The following ADAM32 variants were observed in gnomAD, a reference collection of about 807,000 sequenced individuals.
The protein encoded by ADAM32 is ADAM metallopeptidase domain 32, also known as disintegrin and metalloproteinase domain-containing protein 32.
A neutral mutation model predicts 114.9 loss-of-function variants in ADAM32; 89 were observed. The ratio of observed to expected loss-of-function variants is 0.77; its 90% CI spans 0.65 to 0.92. The LOEUF is 0.92. ADAM32 is among the 40% of genes least tolerant of loss of function. ADAM32 has a pLI of 0.00. For missense variants in ADAM32, 870 were observed against 932.8 expected, an observed-to-expected ratio of 0.93 and a Z score of 0.88; for synonymous variants, 285 against 307.5, an observed-to-expected ratio of 0.93 and a Z score of 0.77.
At chr8:39,143,214 C>T (rs1050972786) in intron 3 of ADAM32, among the ~76,000 whole-genome samples, 2 of 152,168 alleles carry the variant, frequency 1.3e-5, no homozygotes, top group African/African-American at 2.4e-5. Flanking sequence ...TCTGTCAACT[C>T]GTCAAACTCA....
At position 39,136,672 on chromosome 8, in the gene ADAM32, A is replaced by G. The variant is rs761749640; in HGVS notation, c.154A>G (p.Ile52Val). 6 of 1,542,866 alleles carry G rather than the reference A, an allele frequency of 3.9e-6. No homozygotes were observed. The Admixed American group carries it at 1.1e-4, about 27-fold the overall frequency. The change falls in exon 3 of 25, where the codon ATT becomes GTT. Residue 52 changes from isoleucine (I) to valine (V), a missense_variant. Ile to Val is a conservative substitution (Grantham distance 29). Coordinates refer to ENST00000379907, the MANE Select transcript of ADAM32 (RefSeq NM_145004.7). ...AATTCTCTAGGAACAAATATCCTATATTATTCCAATAGATGAGAAACTGTA... is the reference window on the plus strand; with the variant it reads ...AATTCTCTAGGAACAAATATCCTATGTTATTCCAATAGATGAGAAACTGTA... ...SEIEYEQISY[I>V]IPIDEKLYTV...
At chr8:39,221,533 C>T in intron 12 of ADAM32, 77 bp from the exon 13 acceptor site, 2 of 1,101,274 alleles carry the variant, frequency 1.8e-6, no homozygotes, top group East Asian at 2.5e-5. Flanking sequence ...ACAGTAAGCC[C>T]ATCAAAATAT....
chr8:39,233,346 C>T (rs1473733723), intron 15 of ADAM32, among the ~76,000 whole-genome samples: 1 of 152,128 alleles, frequency 6.6e-6, no homozygotes, highest in African/African-American at 2.4e-5. Flanking sequence ...GGTTCTTCTC[C>T]TTTGTAGACC....
chr8:39,173,973 C>T (rs1481443206), intron 10 of ADAM32, among the ~76,000 whole-genome samples: 5 of 152,128 alleles, frequency 3.3e-5, no homozygotes, highest in Non-Finnish European at 1.5e-5. Context: ...TACAGACGTG[C>T]ACTGCCACAC....
intron 16 of ADAM32, among the ~76,000 whole-genome samples, chr8:39,234,576 C>T (rs1809976302): frequency 6.6e-6 from 1 of 152,122 alleles, no homozygotes; most frequent in South Asian, 2.1e-4. Flanking sequence ...ATAGCATTTA[C>T]TCTACAGGGT....
chr8:39,250,202 T>C (rs892568478), intron 17 of ADAM32, among the ~76,000 whole-genome samples: 1 of 152,080 alleles, frequency 6.6e-6, no homozygotes, highest in African/African-American at 2.4e-5. Flanking sequence ...GGTATCCTCA[T>C]TACATGTATG....
Position 39,275,843 on chromosome 8 carries a change from C to T in ADAM32, c.2256C>T (p.Ser752=), listed in dbSNP as rs1813039267. 6.4e-7 allele frequency: 1 copy of T among 1,561,140 alleles called. No homozygotes were observed. Among genetic ancestry groups the T allele is most frequent in the Non-Finnish European group, 8.7e-7 (1 of 1,151,902 alleles). The change falls in exon 22 of 25, where the codon AGC becomes AGT. Residue 752 remains serine, a synonymous_variant. Coordinates refer to ENST00000379907, the MANE Select transcript of ADAM32 (RefSeq NM_145004.7). ...TTTCTTTTAGAACCAGATCAGAAAGCAGCAGTCAAGCTGATACTAGCAAGT... is the reference window on the plus strand; with the variant it reads ...TTTCTTTTAGAACCAGATCAGAAAGTAGCAGTCAAGCTGATACTAGCAAGT... The part of the protein sequence containing the change: ...QTYASQTRSE[S]SSQADTSKSK...
chr8:39,119,599 C>G (rs1246629621), intron 2 of ADAM32, among the ~76,000 whole-genome samples: 1 of 151,992 alleles, frequency 6.6e-6, no homozygotes, highest in East Asian at 1.9e-4. Flanking sequence ...ATTATATATT[C>G]TGGACACAAC....
chr8:39,258,914 AT>A (rs1330813757), intron 19 of ADAM32, among the ~76,000 whole-genome samples: 4 of 152,182 alleles, frequency 2.6e-5, no homozygotes, highest in African/African-American at 9.6e-5. Flanking sequence ...TACTAATAAT[AT>A]CTTAAATACA....
intron 12 of ADAM32, among the ~76,000 whole-genome samples, chr8:39,216,997 A>T (rs567544172): frequency 1.3e-5 from 2 of 151,844 alleles, no homozygotes; most frequent in Non-Finnish European, 2.9e-5. Context: ...TTTCTTTCTG[A>T]TTAAATAATT....
intron 7 of ADAM32, among the ~76,000 whole-genome samples, chr8:39,163,609 G>A (rs189791131): frequency 2.9e-4 from 44 of 152,228 alleles, no homozygotes; most frequent in Non-Finnish European, 2.9e-4. Flanking sequence ...TGATTTATTC[G>A]TTTACTTAAC....
intron 10 of ADAM32, among the ~76,000 whole-genome samples, chr8:39,177,683 G>C (rs1220569723): frequency 6.6e-6 from 1 of 152,090 alleles, no homozygotes; most frequent in Non-Finnish European, 1.5e-5. Flanking sequence ...CTTCCTTCAG[G>C]AGCTCTTGTA....
chr8:39,140,713 A>C (rs754222642), intron 3 of ADAM32, among the ~76,000 whole-genome samples: 4 of 152,096 alleles, frequency 2.6e-5, no homozygotes, highest in Admixed American at 2.0e-4. Context: ...GATTGAAATA[A>C]TTTCAGAAGG....
chr8:39,115,408 C>T (rs1306211627), intron 1 of ADAM32, among the ~76,000 whole-genome samples: 1 of 152,196 alleles, frequency 6.6e-6, no homozygotes, highest in African/African-American at 2.4e-5. Flanking sequence ...CTTTCCTCTG[C>T]AACCTTGCCA....
rs77451482 is a variant in ADAM32 at position 39,266,591 on chromosome 8, C to T, written c.2163-4285C>T. Among the ~76,000 whole-genome samples the T allele has an allele frequency of 9.0e-4, 137 of 152,188 alleles. 3 individuals are homozygous for T. In the East Asian group the frequency reaches 0.023, roughly 25 times the overall value. On this transcript the variant is annotated intron_variant, in intron 19 of 24. Transcript: ENST00000379907. ...TTGCTGTGTTCCTTGGCTTGAGTTT[C>T]GACCTTCTGTATGTCGATGAGCTTC...
chr8:39,212,855 C>T (rs1308415716), intron 12 of ADAM32, among the ~76,000 whole-genome samples: 3 of 152,120 alleles, frequency 2.0e-5, no homozygotes, highest in Admixed American at 2.0e-4. Flanking sequence ...TTTTTACACT[C>T]CTGTCAGCAG....
intron 12 of ADAM32, among the ~76,000 whole-genome samples, chr8:39,214,250 G>A (rs1262778828): frequency 6.6e-6 from 1 of 152,034 alleles, no homozygotes; most frequent in Non-Finnish European, 1.5e-5. Flanking sequence ...TTAGTTTTCT[G>A]AGGAACCTCC....
intron 16 of ADAM32, among the ~76,000 whole-genome samples, chr8:39,244,349 A>G (rs762688298): frequency 7.2e-5 from 11 of 152,118 alleles, no homozygotes; most frequent in Non-Finnish European, 1.6e-4. Flanking sequence ...ACAAAATAAG[A>G]AAACCCAAAA....
intron 22 of ADAM32, 94 bp from the exon 23 acceptor site, chr8:39,281,042 A>G (rs982897305): frequency 1.4e-4 from 57 of 398,660 alleles, no homozygotes; most frequent in African/African-American, 1.0e-3. Flanking sequence ...TCAGCCTCCC[A>G]AAGTGCTGGG....
Sources: allele counts gnomAD v4.1 joint callset (sites outside exome capture counted in the v4.1 genomes callset), GRCh38; gene constraint gnomAD v4.1.1; transcripts MANE v1.5; gene names NCBI Gene and HGNC (gene_info 2026-07-23, HGNC 2026-07-21).